The following ARFGAP3 variants were observed in gnomAD, a reference collection of about 807,000 sequenced individuals.
ARFGAP3 encodes ARF GTPase activating protein 3.
Under a neutral mutation model 75.0 loss-of-function variants are expected in ARFGAP3, and 72 were observed. That is an observed-to-expected ratio of 0.96 (90% CI 0.79 to 1.17). The LOEUF is 1.17. Among genes scored for constraint, ARFGAP3 ranks in the 50% most tolerant of loss-of-function variants. The probability of loss-of-function intolerance (pLI) is 0.00; values close to 1 mark genes in which losing one functional copy is unlikely to be tolerated. For synonymous variants in ARFGAP3, 221 were observed against 217.9 expected (o/e 1.01, Z -0.13); for missense variants, 620 against 626.6 (o/e 0.99, Z 0.11).
intron 15 of ARFGAP3, 130 bp from the exon 16 acceptor site, chr22:42,797,735 C>T: frequency 6.3e-7 from 1 of 1,583,908 alleles, no homozygotes; most frequent in Non-Finnish European, 8.6e-7. Flanking sequence ...GACGCTGCAC[C>T]CCGAGGGTGT....
chr22:42,837,523 A>G (rs1001836809), intron 3 of ARFGAP3, among the ~76,000 whole-genome samples: 4 of 147,832 alleles, frequency 2.7e-5, no homozygotes, highest in African/African-American at 7.4e-5. Context: ...TGGGAGGCTG[A>G]GTGAGAGAAT....
intron 7 of ARFGAP3, among the ~76,000 whole-genome samples, chr22:42,826,556 T>A (rs758211985): frequency 1.3e-5 from 2 of 151,566 alleles, no homozygotes; most frequent in African/African-American, 4.8e-5. Flanking sequence ...ATTTTTGTTG[T>A]TGTTGTTGTT....
chr22:42,804,582 A>ATGTTGGCCAGGCTGGTCTCGATC (rs1161383990), intron 14 of ARFGAP3, among the ~76,000 whole-genome samples: 3 of 151,768 alleles, frequency 2.0e-5, no homozygotes, highest in Non-Finnish European at 2.9e-5. Flanking sequence ...GGGCTTCACC[A>ATGTTGGCCAGGCTGGTCTCGATC]TGTTGGCCAG....
chr22:42,826,905 C>T (rs1926063452), intron 7 of ARFGAP3, 35 bp downstream of exon 7: 1 of 1,598,762 alleles, frequency 6.3e-7, no homozygotes, highest in Non-Finnish European at 8.5e-7. Flanking sequence ...GAGTCATACA[C>T]TTTAAATCAG....
At chr22:42,846,485 A>G (rs1414640975) in intron 2 of ARFGAP3, among the ~76,000 whole-genome samples, 2 of 152,214 alleles carry the variant, frequency 1.3e-5, no homozygotes, top group African/African-American at 4.8e-5. Context: ...TTCTGATGCA[A>G]AAGGCCCCAT....
chr22:42,840,374 C>G (rs906350109), intron 3 of ARFGAP3, among the ~76,000 whole-genome samples: 2 of 152,106 alleles, frequency 1.3e-5, no homozygotes, highest in Admixed American at 6.6e-5. Context: ...TCTGCTTCTT[C>G]TCATAGGGCC....
chr22:42,805,571 T>G (rs939210036), intron 14 of ARFGAP3, among the ~76,000 whole-genome samples: 1 of 151,932 alleles, frequency 6.6e-6, no homozygotes, highest in African/African-American at 2.4e-5. Context: ...CACTGAAAGT[T>G]TGGAGATGGA....
At position 42,842,454 on chromosome 22, in the gene ARFGAP3, C is replaced by CT. The variant is rs1007868416; in HGVS notation, c.189-1439dup. Among the ~76,000 whole-genome samples, 85 of 144,182 alleles carry CT rather than the reference C, an allele frequency of 5.9e-4. No homozygotes were observed. In the East Asian group the frequency reaches 7.2e-3, roughly 12 times the overall value. The allele number at this position is 144,182 out of a possible 152,430, so 94.6% of individuals were successfully genotyped here. ...AGCCACCATGCCCAGTGAACCATACCTTTTTTTTTTTGAGACACAGCCTCG... is the reference window on the plus strand; with the variant it reads ...AGCCACCATGCCCAGTGAACCATACCTTTTTTTTTTTTGAGACACAGCCTCG... On this transcript the variant is annotated intron_variant, in intron 2 of 15. Coordinates refer to ENST00000263245, the MANE Select transcript of ARFGAP3 (RefSeq NM_014570.5).
intron 15 of ARFGAP3, among the ~76,000 whole-genome samples, chr22:42,798,360 C>CG (rs747435758): frequency 3.3e-5 from 5 of 152,232 alleles, no homozygotes; most frequent in African/African-American, 1.2e-4. Context: ...AGAGTCCACA[C>CG]GGTTTCAGTC....
Position 42,797,453 on chromosome 22 carries a change from A to C in ARFGAP3, c.*135T>G. On this transcript the variant is annotated 3_prime_UTR_variant, in exon 16 of 16. Transcript: ENST00000263245. ...GAATTTCTCAAAAGAAATATTAAAA[A>C]TCAGAAACATATACCATATGAAAAA... 1 of 1,111,100 alleles carries C rather than the reference A, an allele frequency of 9.0e-7. No homozygotes were observed. Among genetic ancestry groups the C allele is most frequent in the Non-Finnish European group, 1.3e-6 (1 of 754,508 alleles). The allele number at this position is 1,111,100 out of a possible 1,614,324, so 68.8% of individuals were successfully genotyped here. A position where few individuals can be genotyped will look rare whatever the true frequency, so the allele number is the denominator to read the frequency against.
rs1356884221 is a variant in ARFGAP3, at chr22:42,799,096, C to T, written c.1476G>A (p.Val492=). ...APDMAQFKQG[V]RSVAGKLSVF... ...CGGAGAGTTTTCCAGCAACCGATCTCACTCCCTGCTTGAACTGCGCCATGT... is the reference window on the plus strand; with the variant it reads ...CGGAGAGTTTTCCAGCAACCGATCTTACTCCCTGCTTGAACTGCGCCATGT... The change falls in exon 15 of 16, where the codon GTG becomes GTA. Residue 492 remains valine, a synonymous_variant. Transcript: ENST00000263245. 5.0e-6 allele frequency: 8 copies of T among 1,614,102 alleles called. No individual in the cohort carries two copies. Among genetic ancestry groups the T allele is most frequent in the African/African-American group, 1.3e-5 (1 of 74,930 alleles).
At chr22:42,847,234 C>A in intron 2 of ARFGAP3, 1 of 279,808 alleles carries the variant, frequency 3.6e-6, no homozygotes, top group Non-Finnish European at 6.8e-6. Context: ...GCGGCAAGAT[C>A]ATAGTTCACT....
chr22:42,831,132 GC>G (rs1926264624), intron 6 of ARFGAP3, among the ~76,000 whole-genome samples: 1 of 151,852 alleles, frequency 6.6e-6, no homozygotes, highest in Admixed American at 6.6e-5. Context: ...AAATCATGTT[GC>G]AAAAATTAGC....
chr22:42,817,358 CA>C, intron 10 of ARFGAP3, 94 bp from the exon 11 acceptor site: 7 of 1,470,252 alleles, frequency 4.8e-6, no homozygotes, highest in Non-Finnish European at 9.0e-7. Flanking sequence ...TGAACAAAGA[CA>C]AATGTATTCG....
intron 14 of ARFGAP3, among the ~76,000 whole-genome samples, chr22:42,801,610 G>T (rs1924864106): frequency 1.3e-5 from 2 of 152,230 alleles, no homozygotes; most frequent in South Asian, 4.1e-4. Flanking sequence ...CACTGGCCAT[G>T]GGACATGGGA....
At position 42,831,598 on chromosome 22, in the gene ARFGAP3, T is replaced by C. The variant is rs1261473293; in HGVS notation, c.516A>G (p.Pro172=). Residue 172 remains proline (P), a synonymous_variant, in exon 6 of 16, where the codon CCA becomes CCG. Transcript: ENST00000263245. The part of the protein sequence containing the change: ...DTAWASAIAE[P]SSLTSRPVET... ...CCACAGGCCTTGATGTTAAAGAAGA[T>C]GGTTCTGCTATTGCTGATGCCCACG... The C allele has an allele frequency of 3.1e-6, 5 of 1,614,074 alleles. No homozygotes were observed. The highest frequency in any genetic ancestry group is 4.2e-6 in the Non-Finnish European group (5 of 1,179,988).
chr22:42,851,915 T>A (rs117237228), intron 1 of ARFGAP3, among the ~76,000 whole-genome samples: 1 of 152,200 alleles, frequency 6.6e-6, no homozygotes, highest in Non-Finnish European at 1.5e-5. Flanking sequence ...TAACAACGCT[T>A]TCATTAGTAG....
intron 14 of ARFGAP3, among the ~76,000 whole-genome samples, chr22:42,803,623 G>A (rs1334597520): frequency 6.6e-6 from 1 of 152,186 alleles, no homozygotes; most frequent in African/African-American, 2.4e-5. Context: ...CCAGCTGATG[G>A]CAGTCCCCCA....
chr22:42,831,434 A>C, intron 6 of ARFGAP3, 115 bp downstream of exon 6: 1 of 1,059,040 alleles, frequency 9.4e-7, no homozygotes, highest in Non-Finnish European at 1.4e-6. Context: ...AGCCTCGCAA[A>C]GTGCTGGGAT....
Sources: gnomAD v4.1 joint callset for allele counts (sites outside exome capture counted in the v4.1 genomes callset) on GRCh38, gnomAD v4.1.1 for gene constraint, MANE v1.5 for transcripts, NCBI Gene and HGNC (gene_info 2026-07-23, HGNC 2026-07-21) for gene names.